Variants in CYP4F12 observed in about 807,000 individuals in gnomAD.
CYP4F12 encodes the protein cytochrome P450 family 4 subfamily F member 12.
In CYP4F12, 60 loss-of-function variants were observed where a neutral mutation model predicts 56.5. That is an observed-to-expected ratio of 1.06 (90% CI 0.86 to 1.32). CYP4F12 has a LOEUF of 1.32. CYP4F12 is among the 40% of genes most tolerant of loss of function. The pLI, the probability that CYP4F12 is intolerant of heterozygous loss-of-function variation, is 0.00. For synonymous variants in CYP4F12, 263 were observed against 264.9 expected (o/e 0.99, Z 0.07); for missense variants, 711 against 683.5 (o/e 1.04, Z -0.45).
At position 15,687,721 on chromosome 19, in the gene CYP4F12, G is replaced by A. The variant is rs550430165; in HGVS notation, c.1115+2524G>A. On this transcript the variant is annotated intron_variant, in intron 9 of 12. Coordinates refer to ENST00000550308, the MANE Select transcript of CYP4F12 (RefSeq NM_023944.4). ...GGGAATCTGAAAATCCAGACCACAG[G>A]AGAAGGCCTTAACTCTATCCAGGGC... is the stretch of plus-strand genomic sequence containing the variant. Among the ~76,000 whole-genome samples, 20 of 152,310 alleles carry A rather than the reference G, an allele frequency of 1.3e-4. No homozygotes were observed. In the East Asian group the frequency reaches 3.1e-3, roughly 24 times the overall value.
chr19:15,695,623 A>T (rs2008092623), intron 9 of CYP4F12, among the ~76,000 whole-genome samples: 1 of 151,918 alleles, frequency 6.6e-6, no homozygotes, highest in South Asian at 2.1e-4. Flanking sequence ...TTTGTTTGTT[A>T]TTCATTTGCA....
chr19:15,695,246 G>A (rs8110169), intron 9 of CYP4F12, among the ~76,000 whole-genome samples: 13,508 of 150,214 alleles, frequency 0.09, 1,570 homozygotes, highest in East Asian at 0.57. Flanking sequence ...GTAAACTATC[G>A]CAAAGACAAA....
At chr19:15,691,747 G>T (rs987254694) in intron 9 of CYP4F12, among the ~76,000 whole-genome samples, 1 of 150,758 alleles carries the variant, frequency 6.6e-6, no homozygotes. Context: ...CTTTTTTGGG[G>T]GGTGCTTTTG....
At chr19:15,674,822 C>G (rs1338456290) in intron 2 of CYP4F12, among the ~76,000 whole-genome samples, 1 of 152,190 alleles carries the variant, frequency 6.6e-6, no homozygotes, top group Admixed American at 6.5e-5. Flanking sequence ...TCCTGCCTGT[C>G]TTCCCTACCG....
At chr19:15,683,981 T>G (rs1270875305) in intron 7 of CYP4F12, 2 of 461,662 alleles carry the variant, frequency 4.3e-6, no homozygotes, top group Non-Finnish European at 7.4e-6. Flanking sequence ...TTTATTCAAC[T>G]TATAAGTTAG....
At chr19:15,694,349 C>T (rs966091293) in intron 9 of CYP4F12, among the ~76,000 whole-genome samples, 15 of 152,110 alleles carry the variant, frequency 9.9e-5, no homozygotes, top group Non-Finnish European at 1.3e-4. Flanking sequence ...TTTCTTTGCA[C>T]CCTCTTTTAT....
At chr19:15,687,276 CAAAAA>C (rs11306327) in intron 9 of CYP4F12, among the ~76,000 whole-genome samples, 42,251 of 146,026 alleles carry the variant, frequency 0.29, 6,442 homozygotes, top group African/African-American at 0.4. Flanking sequence ...GACTCTTTCT[CAAAAA>C]AAAAAAAAAA....
chr19:15,676,976 T>C (rs796131712), intron 2 of CYP4F12, among the ~76,000 whole-genome samples: 53 of 9,142 alleles, frequency 5.8e-3, no homozygotes, highest in Non-Finnish European at 8.2e-3. Flanking sequence ...CCTGTGCCCA[T>C]TCACTCATTC....
At chr19:15,678,447 T>C (rs34521056) in intron 3 of CYP4F12, 42 bp downstream of exon 3, 829,354 of 1,611,472 alleles carry the variant, frequency 0.51, 216,525 homozygotes, top group East Asian at 0.71. Context: ...CAGACCAAGC[T>C]TCTGTGTGGT....
chr19:15,690,457 T>A (rs1238601439), intron 9 of CYP4F12, among the ~76,000 whole-genome samples: 1 of 152,214 alleles, frequency 6.6e-6, no homozygotes, highest in African/African-American at 2.4e-5. Flanking sequence ...TTGTACCCTT[T>A]GACCAATGTC....
rs1475208532 is a variant in CYP4F12 at position 15,695,924 on chromosome 19, G to A, written c.1116-12G>A. On this transcript the variant is annotated splice_polypyrimidine_tract_variant and intron_variant, in intron 9 of 12. Transcript: ENST00000550308. ...TCCCTTGATAATGACTGGGGCTGGG[G>A]TGTTTCCTTAGGGACGACCTGGCCC... is the stretch of plus-strand genomic sequence containing the variant. The A allele has an allele frequency of 4.3e-6, 7 of 1,610,242 alleles. No homozygotes were observed. Among genetic ancestry groups the A allele is most frequent in the Non-Finnish European group, 5.9e-6 (7 of 1,178,780 alleles).
At position 15,696,050 on chromosome 19, in the gene CYP4F12, T is replaced by A. The variant is rs1383956301; in HGVS notation, c.1230T>A (p.Asp410Glu). 2 of 1,613,850 alleles carry A rather than the reference T, an allele frequency of 1.2e-6. No individual in the cohort carries two copies. The highest frequency in any genetic ancestry group is 1.7e-6 in the Non-Finnish European group (2 of 1,179,836). ...RCCTQDIVLP[D>E]GRVIPKGITC... ...GCACCCAGGACATTGTTCTCCCAGA[T>A]GGCCGAGTCATCCCCAAAGGTGCCC... The change falls in exon 10 of 13, where the codon GAT (aspartate) becomes GAA (glutamate). Residue 410 changes from aspartate (D) to glutamate (E), a missense_variant. Transcript: ENST00000550308.
intron 9 of CYP4F12, among the ~76,000 whole-genome samples, chr19:15,689,259 A>AAAC (rs1568423570): frequency 7.3e-5 from 11 of 150,780 alleles, no homozygotes; most frequent in Non-Finnish European, 1.5e-4. Flanking sequence ...GCAAGGAAAA[A>AAAC]AAACAAACAA....
In CYP4F12 at chr19:15,673,576, C is replaced by G; in HGVS notation, c.47C>G (p.Thr16Arg). Residue 16 changes from threonine (T) to arginine (R), a missense_variant, in exon 2 of 13, where the codon ACG becomes AGG. By Grantham distance (71) the Thr-to-Arg change is moderately conservative. Coordinates refer to ENST00000550308, the MANE Select transcript of CYP4F12 (RefSeq NM_023944.4). ...TGGCTGGGCCTCAGACCGGTGGCAA[C>G]GTCCCCATGGCTACTCCTGCTGCTG... ...LPWLGLRPVA[T>R]SPWLLLLLVV... 1 of 1,614,000 alleles carries G rather than the reference C, an allele frequency of 6.2e-7. No individual in the cohort carries two copies. Among genetic ancestry groups the G allele is most frequent in the South Asian group, 1.1e-5 (1 of 91,078 alleles).
At chr19:15,688,754 A>G (rs1159709532) in intron 9 of CYP4F12, among the ~76,000 whole-genome samples, 1 of 152,234 alleles carries the variant, frequency 6.6e-6, no homozygotes, top group Non-Finnish European at 1.5e-5. Context: ...CTGGTATAAA[A>G]GTAGGCATTT....
At chr19:15,691,480 T>C (rs781012650) in intron 9 of CYP4F12, among the ~76,000 whole-genome samples, 22 of 152,204 alleles carry the variant, frequency 1.4e-4, no homozygotes, top group Non-Finnish European at 2.6e-4. Context: ...TTGCCAATAG[T>C]ATTATTGTAT....
Position 15,678,378 on chromosome 19 carries a change from A to G in CYP4F12, c.316A>G (p.Thr106Ala), listed in dbSNP as rs1458346263. The G allele has an allele frequency of 5.0e-6, 8 of 1,613,986 alleles. No homozygotes were observed. The African/African-American group carries it at 9.3e-5, about 19-fold the overall frequency. ...CTTCATCGTTTTATGCCACCCTGAC[A>G]CCATCCGGTCTATCACCAATGCCTC... ...IPFIVLCHPD[T>A]IRSITNASAA... Residue 106 changes from threonine (T) to alanine (A), a missense_variant, in exon 3 of 13, where the codon ACC (threonine) becomes GCC (alanine). Thr to Ala is a moderately conservative substitution (Grantham distance 58). Transcript: ENST00000550308.
chr19:15,695,856 G>A, intron 9 of CYP4F12, 80 bp from the exon 10 acceptor site: 1 of 1,526,314 alleles, frequency 6.6e-7, no homozygotes, highest in South Asian at 1.3e-5. Flanking sequence ...AGGGAGAAAA[G>A]GTCTCATTTG....
intron 3 of CYP4F12, among the ~76,000 whole-genome samples, chr19:15,679,806 G>A (rs1159365976): frequency 6.6e-6 from 1 of 152,114 alleles, no homozygotes; most frequent in East Asian, 1.9e-4. Flanking sequence ...GACATGTCTG[G>A]GACATTTAAG....
Sources: gnomAD v4.1 joint callset for allele counts (sites outside exome capture counted in the v4.1 genomes callset) on GRCh38, gnomAD v4.1.1 for gene constraint, MANE v1.5 for transcripts, NCBI Gene and HGNC (gene_info 2026-07-23, HGNC 2026-07-21) for gene names.